The following IGFL2 variants were observed in gnomAD, a reference collection of about 807,000 sequenced individuals.
IGFL2 encodes IGF like family member 2, also known as insulin growth factor-like family member 2.
Under a neutral mutation model 13.9 loss-of-function variants are expected in IGFL2, and 7 were observed. That is an observed-to-expected ratio of 0.51 (90% CI 0.29 to 0.95). The LOEUF (loss-of-function observed/expected upper bound fraction) is 0.95. Among genes scored for constraint, IGFL2 ranks in the 40% least tolerant of loss-of-function variants. The probability of loss-of-function intolerance (pLI) is 0.08; values close to 1 mark genes in which losing one functional copy is unlikely to be tolerated. For missense variants in IGFL2, 138 were observed against 147.8 expected, an observed-to-expected ratio of 0.93 and a Z score of 0.34; for synonymous variants, 55 against 55.8, an observed-to-expected ratio of 0.99 and a Z score of 0.07.
At chr19:46,172,556 A>G in the IGFL2 span, among the ~76,000 whole-genome samples, 3 of 152,086 alleles carry the variant, frequency 2.0e-5, no homozygotes, top group Non-Finnish European at 4.4e-5. Flanking sequence ...AACTCAAATG[A>G]GCCTCCCACC....
the IGFL2 span, among the ~76,000 whole-genome samples, chr19:46,184,804 T>C: frequency 5.7e-3 from 862 of 152,364 alleles, 3 homozygotes; most frequent in Non-Finnish European, 9.4e-3. Flanking sequence ...ATAGTATTTC[T>C]AGTTCTAGAT....
chr19:46,145,419 A>G (rs1481032647), upstream of IGFL2, among the ~76,000 whole-genome samples: 10 of 151,856 alleles, frequency 6.6e-5, no homozygotes, highest in Non-Finnish European at 1.5e-4. Flanking sequence ...AACACAGTCA[A>G]TCCTTGCAAC....
the IGFL2 span, among the ~76,000 whole-genome samples, chr19:46,117,989 G>A: frequency 6.6e-6 from 1 of 152,110 alleles, no homozygotes; most frequent in Admixed American, 6.5e-5. Context: ...GTGAGCATAC[G>A]TGGGGCTAAT....
At chr19:46,208,016 C>G in the IGFL2 span, 1 of 152,348 alleles carries the variant, frequency 6.6e-6, no homozygotes, top group African/African-American at 2.4e-5. Context: ...GGGCTGCACT[C>G]TGACTACACT....
At chr19:46,136,879 G>T in the IGFL2 span, 1 of 766,526 alleles carries the variant, frequency 1.3e-6, no homozygotes, top group Non-Finnish European at 2.4e-6. Context: ...AGACTACTCT[G>T]TGTATTGGTA....
chr19:46,121,488 A>T, the IGFL2 span, among the ~76,000 whole-genome samples: 1 of 150,410 alleles, frequency 6.6e-6, no homozygotes, highest in Non-Finnish European at 1.5e-5. Context: ...TCTTCCCAAG[A>T]TGCATCTCAA....
the IGFL2 span, among the ~76,000 whole-genome samples, chr19:46,188,780 C>A: frequency 1.3e-5 from 2 of 152,244 alleles, no homozygotes; most frequent in African/African-American, 4.8e-5. Context: ...TATTTCCTAC[C>A]CTTGCCTGAC....
the IGFL2 span, among the ~76,000 whole-genome samples, chr19:46,201,787 G>A: frequency 4.6e-5 from 7 of 152,272 alleles, no homozygotes; most frequent in East Asian, 7.7e-4. Context: ...GGAGAAGGGC[G>A]GCACTGAGAT....
chr19:46,123,984 G>A, the IGFL2 span: 22 of 1,611,400 alleles, frequency 1.4e-5, no homozygotes, highest in African/African-American at 5.4e-5. Flanking sequence ...CAAAAGACTC[G>A]GGACAGCAGA....
At chr19:46,188,911 C>T in the IGFL2 span, among the ~76,000 whole-genome samples, 1 of 152,260 alleles carries the variant, frequency 6.6e-6, no homozygotes, top group African/African-American at 2.4e-5. Flanking sequence ...ACTGCGAAGT[C>T]TTCCACAGTG....
chr19:46,179,808 C>CG, the IGFL2 span, among the ~76,000 whole-genome samples: 2 of 152,000 alleles, frequency 1.3e-5, no homozygotes, highest in African/African-American at 4.8e-5. Flanking sequence ...CCCACCTACT[C>CG]GGGGGGCTGA....
At chr19:46,182,488 A>G in the IGFL2 span, among the ~76,000 whole-genome samples, 1,008 of 150,966 alleles carry the variant, frequency 6.7e-3, 10 homozygotes, top group African/African-American at 0.023. Context: ...CATAATTTCT[A>G]TTTGCTAAAA....
At chr19:46,091,982 A>G in the IGFL2 span, among the ~76,000 whole-genome samples, 10 of 152,372 alleles carry the variant, frequency 6.6e-5, no homozygotes, top group East Asian at 1.5e-3. Context: ...ACCATAATCA[A>G]AAGTTTGAAG....
chr19:46,183,320 T>C, the IGFL2 span, among the ~76,000 whole-genome samples: 1 of 152,216 alleles, frequency 6.6e-6, no homozygotes, highest in Admixed American at 6.5e-5. Context: ...CGAGATGAGA[T>C]TTGAGTGGGG....
chr19:46,115,789 G>T, the IGFL2 span, among the ~76,000 whole-genome samples: 2 of 152,194 alleles, frequency 1.3e-5, no homozygotes, highest in Admixed American at 6.5e-5. Flanking sequence ...CAGCGACAGG[G>T]ATAAATGAAT....
chr19:46,167,556 T>C, the IGFL2 span, among the ~76,000 whole-genome samples: 2 of 152,122 alleles, frequency 1.3e-5, no homozygotes, highest in Non-Finnish European at 2.9e-5. Flanking sequence ...GTGCAACATA[T>C]GGCATCCCCT....
chr19:46,207,573 G>C, the IGFL2 span: 1 of 152,056 alleles, frequency 6.6e-6, no homozygotes, highest in African/African-American at 2.4e-5. Context: ...GTAGAGACGG[G>C]GTTTCGTCAT....
At chr19:46,099,643 T>G in the IGFL2 span, among the ~76,000 whole-genome samples, 195 of 152,130 alleles carry the variant, frequency 1.3e-3, 1 homozygote, top group East Asian at 0.03. Flanking sequence ...ATCTCCTGCC[T>G]TAGCCTCCCA....
chr19:46,140,963 G>A (rs562367338), upstream of IGFL2, among the ~76,000 whole-genome samples: 211 of 152,276 alleles, frequency 1.4e-3, no homozygotes, highest in African/African-American at 4.6e-3. Context: ...GAAAGTAACC[G>A]CTGTGAAACA....
Sources: allele counts gnomAD v4.1 joint callset (sites outside exome capture counted in the v4.1 genomes callset), GRCh38; gene constraint gnomAD v4.1.1; transcripts MANE v1.5; gene names NCBI Gene and HGNC (gene_info 2026-07-23, HGNC 2026-07-21).